Variants in S100PBP observed in about 807,000 individuals in gnomAD.
The protein encoded by S100PBP is S100P binding protein.
Under a neutral mutation model 39.9 loss-of-function variants are expected in S100PBP, and 15 were observed. The ratio of observed to expected loss-of-function variants is 0.38; its 90% CI spans 0.25 to 0.58. The LOEUF is 0.58. Among genes scored for constraint, S100PBP ranks in the 20% least tolerant of loss-of-function variants. The pLI is 0.70. For synonymous variants in S100PBP, 178 were observed against 180.3 expected, an observed-to-expected ratio of 0.99 and a Z score of 0.10; for missense variants, 504 against 487.3, an observed-to-expected ratio of 1.03 and a Z score of -0.32.
In S100PBP at chr1:32,853,805, T is replaced by C. The variant is rs532042608; in HGVS notation, c.1112+639T>C. On this transcript the variant is annotated intron_variant, in intron 6 of 6. Coordinates refer to ENST00000373475, the MANE Select transcript of S100PBP (RefSeq NM_022753.4). ...CCTGAGAGTGCCTGAGAGAAAAGGA[T>C]TGCTTGAAGCCCAGGAGCTTGAGGC... is the stretch of plus-strand genomic sequence containing the variant. Among the ~76,000 whole-genome samples, 3 of 151,924 alleles carry C rather than the reference T, an allele frequency of 2.0e-5. No homozygotes were observed. The South Asian group carries it at 6.2e-4, about 32-fold the overall frequency.
chr1:32,839,123 A>G (rs565404880), intron 5 of S100PBP, among the ~76,000 whole-genome samples: 1 of 152,230 alleles, frequency 6.6e-6, no homozygotes, highest in Non-Finnish European at 1.5e-5. Context: ...CCATTAAACA[A>G]TAACTCCCCA....
chr1:32,839,998 T>G (rs1473142315), intron 5 of S100PBP, among the ~76,000 whole-genome samples: 7 of 152,026 alleles, frequency 4.6e-5, no homozygotes, highest in Non-Finnish European at 7.4e-5. Context: ...TTGTTTTGTT[T>G]TTTTGAGATG....
At chr1:32,828,224 A>G (rs914053165) in intron 4 of S100PBP, 143 bp downstream of exon 4, 48 of 551,648 alleles carry the variant, frequency 8.7e-5, no homozygotes, top group Non-Finnish European at 1.3e-4. Flanking sequence ...ACTACCAACT[A>G]TGTGACTTTT....
chr1:32,821,011 C>CATA (rs147001849), intron 1 of S100PBP, among the ~76,000 whole-genome samples: 150,272 of 152,230 alleles, frequency 0.99, 74,199 homozygotes, highest in South Asian at 1. Flanking sequence ...GTAAAAGTAA[C>CATA]ATAATGAACA....
intron 5 of S100PBP, among the ~76,000 whole-genome samples, chr1:32,851,692 A>G (rs1200151767): frequency 6.6e-6 from 1 of 151,910 alleles, no homozygotes; most frequent in Non-Finnish European, 1.5e-5. Flanking sequence ...AAAAAAAAGA[A>G]AAAAAAAGTG....
chr1:32,845,779 G>C lies in S100PBP; in HGVS notation c.1025-7300G>C, dbSNP rs772057886. 6.0e-5 allele frequency among the ~76,000 whole-genome samples: 9 copies of C among 150,998 alleles called. No individual in the cohort carries two copies. The South Asian group carries it at 1.9e-3, about 32-fold the overall frequency. ...ACTGTAGCATCAACCTCCCGGGCTC[G>C]TGATCTTCCTACCTCAGCCTCCCAA... On this transcript the variant is annotated intron_variant, in intron 5 of 6. Coordinates refer to ENST00000373475, the MANE Select transcript of S100PBP (RefSeq NM_022753.4).
At chr1:32,843,483 G>A (rs1201267358) in intron 5 of S100PBP, among the ~76,000 whole-genome samples, 1 of 150,480 alleles carries the variant, frequency 6.6e-6, no homozygotes, top group Non-Finnish European at 1.5e-5. Context: ...TTGAGATGAA[G>A]TTTCACTCTT....
chr1:32,817,063 C>G (rs1464749351), upstream of S100PBP: 1 of 1,239,114 alleles, frequency 8.1e-7, no homozygotes, highest in African/African-American at 1.5e-5. Flanking sequence ...TCTACAGGCT[C>G]TCTCAGAGCT....
At chr1:32,855,101 T>TA (rs1242521450) in intron 6 of S100PBP, among the ~76,000 whole-genome samples, 1 of 152,184 alleles carries the variant, frequency 6.6e-6, no homozygotes, top group Admixed American at 6.5e-5. Flanking sequence ...CAGGTACTGT[T>TA]ACAGTTATTT....
intron 4 of S100PBP, among the ~76,000 whole-genome samples, chr1:32,829,491 C>A (rs978246869): frequency 1.3e-5 from 2 of 152,086 alleles, no homozygotes; most frequent in African/African-American, 4.8e-5. Flanking sequence ...GAGACAGGGT[C>A]TCACTCTGTG....
intron 1 of S100PBP, among the ~76,000 whole-genome samples, chr1:32,824,380 T>G (rs1300734040): frequency 2.0e-5 from 3 of 152,176 alleles, no homozygotes; most frequent in Non-Finnish European, 4.4e-5. Context: ...TACTAGCATT[T>G]TATCACCTTT....
Position 32,826,160 on chromosome 1 carries a change from G to A in S100PBP, c.61G>A (p.Gly21Ser), listed in dbSNP as rs577024048. The A allele has an allele frequency of 2.3e-5, 37 of 1,614,042 alleles. No homozygotes were observed. Among genetic ancestry groups the A allele is most frequent in the Middle Eastern group, 1.6e-4 (1 of 6,062 alleles). ...TGGTACCTCTCTCTTGCCTAAAGAC[G>A]GTGCCCCATTTTCTTGGGATTCCTT... ...SSGTSLLPKD[G>S]APFSWDSLDE... Residue 21 changes from glycine to serine, a missense_variant, in exon 3 of 7, where the codon GGT becomes AGT. Physicochemically the swap from Gly to Ser is moderately conservative, Grantham distance 56. Transcript: ENST00000373475.
chr1:32,858,381 G>A lies in S100PBP; in HGVS notation c.*2343G>A, dbSNP rs545761883. ...GCAGCTTAATTAAATCTGTTGGACT[G>A]GGGGAGGAGAGAGCTGTTCTCTAGT... On this transcript the variant is annotated 3_prime_UTR_variant, in exon 7 of 7. Transcript: ENST00000373475. The A allele has an allele frequency of 4.6e-5, 7 of 152,648 alleles. No homozygotes were observed. Among genetic ancestry groups the A allele is most frequent in the African/African-American group, 7.2e-5 (3 of 41,452 alleles). The allele number at this position is 152,648 out of a possible 1,614,324, so 9.5% of individuals were successfully genotyped here. A position where few individuals can be genotyped will look rare whatever the true frequency, so the allele number is the denominator to read the frequency against.
intron 5 of S100PBP, among the ~76,000 whole-genome samples, chr1:32,844,389 G>A (rs1401217524): frequency 6.6e-6 from 1 of 152,122 alleles, no homozygotes; most frequent in Non-Finnish European, 1.5e-5. Context: ...AACTGGGCAC[G>A]GTGGCTCATG....
intron 5 of S100PBP, among the ~76,000 whole-genome samples, chr1:32,848,390 C>T (rs1171778379): frequency 2.0e-5 from 3 of 152,186 alleles, no homozygotes; most frequent in Admixed American, 2.0e-4. Context: ...GTGACCAGTA[C>T]TTTTGCTGCT....
Position 32,826,756 on chromosome 1 carries a change from T to TCAA in S100PBP, c.660_662dup (p.Gln221dup). 1 of 1,614,114 alleles carries TCAA rather than the reference T, an allele frequency of 6.2e-7. No homozygotes were observed. The highest frequency in any genetic ancestry group is 8.5e-7 in the Non-Finnish European group (1 of 1,180,008). On this transcript the variant is annotated inframe_insertion, in exon 3 of 7. Transcript: ENST00000373475. ...AGCTCTCTTCTTCAAACAATAACTT[T>TCAA]CAACAGACTGTCTCTGATAAAAATA...
intron 1 of S100PBP, among the ~76,000 whole-genome samples, chr1:32,819,783 T>C (rs1638959296): frequency 2.6e-5 from 4 of 152,194 alleles, no homozygotes; most frequent in African/African-American, 9.6e-5. Context: ...CCATGTTTTT[T>C]TAGTATAGAA....
chr1:32,817,868 T>C, intron 1 of S100PBP, 179 bp downstream of exon 1: 1 of 155,016 alleles, frequency 6.5e-6, no homozygotes, highest in Non-Finnish European at 1.4e-5. Flanking sequence ...GGAATGTCCC[T>C]GCCCCTCCAC....
chr1:32,821,496 A>G (rs1329045829), intron 1 of S100PBP, among the ~76,000 whole-genome samples: 1 of 151,126 alleles, frequency 6.6e-6, no homozygotes, highest in East Asian at 2.0e-4. Context: ...TAATTTTTGT[A>G]CTTTTAGTAG....
Sources: gnomAD v4.1 joint callset for allele counts (sites outside exome capture counted in the v4.1 genomes callset) on GRCh38, gnomAD v4.1.1 for gene constraint, MANE v1.5 for transcripts, NCBI Gene and HGNC (gene_info 2026-07-23, HGNC 2026-07-21) for gene names.